Variants in SATB2 observed in about 807,000 individuals in gnomAD.
The protein encoded by SATB2 is DNA-binding protein SATB2.
A neutral mutation model predicts 73.4 loss-of-function variants in SATB2; 1 was observed. That is an observed-to-expected ratio of 0.01 (90% CI 0.00 to 0.06). The LOEUF (loss-of-function observed/expected upper bound fraction) is 0.06. Ranked by LOEUF, SATB2 falls within the 10% of genes least tolerant of loss-of-function variation. The pLI is 1.00. For synonymous variants in SATB2, 397 were observed against 367.0 expected, an observed-to-expected ratio of 1.08 and a Z score of -0.93; for missense variants, 459 against 945.8, an observed-to-expected ratio of 0.49 and a Z score of 6.75.
chr2:199,363,836 A>ATACAACATAGGCAGAGGGCAGACAAACT (rs982321620), intron 6 of SATB2, among the ~76,000 whole-genome samples: 1 of 152,236 alleles, frequency 6.6e-6, no homozygotes. Flanking sequence ...TTTCAACAAG[A>ATACAACATAGGCAGAGGGCAGACAAACT]TACAACATAG....
At chr2:199,436,730 G>C (rs888999318) in intron 2 of SATB2, among the ~76,000 whole-genome samples, 1 of 151,976 alleles carries the variant, frequency 6.6e-6, no homozygotes, top group African/African-American at 2.4e-5. Flanking sequence ...TAGTATCATT[G>C]AGGTCAAGTG....
Position 199,370,583 on chromosome 2 carries a change from A to C in SATB2, c.598-1876T>G, listed in dbSNP as rs537545987. Among the ~76,000 whole-genome samples, 15 of 152,252 alleles carry C rather than the reference A, an allele frequency of 9.9e-5. No homozygotes were observed. In the East Asian group the frequency reaches 2.9e-3, roughly 29 times the overall value. On this transcript the variant is annotated intron_variant, in intron 5 of 10. Coordinates refer to ENST00000417098, the MANE Select transcript of SATB2 (RefSeq NM_001172509.2). ...AAGTTAACTAAAACGAACAGTGTCTAATTACTGCCTGGCACTGTTCCTCAA... is the reference window on the plus strand; with the variant it reads ...AAGTTAACTAAAACGAACAGTGTCTCATTACTGCCTGGCACTGTTCCTCAA...
chr2:199,287,921 T>C (rs1256455780), intron 10 of SATB2, among the ~76,000 whole-genome samples: 15 of 152,282 alleles, frequency 9.9e-5, no homozygotes, highest in Admixed American at 9.1e-4. Context: ...GTAACAAATA[T>C]ATGCTTACTG....
intron 3 of SATB2, among the ~76,000 whole-genome samples, chr2:199,391,777 T>C (rs1313253985): frequency 1.3e-5 from 2 of 152,200 alleles, no homozygotes; most frequent in Non-Finnish European, 2.9e-5. Context: ...TACATGGTGA[T>C]AAATAATGAC....
chr2:199,411,498 T>C (rs952977217), intron 3 of SATB2, among the ~76,000 whole-genome samples: 6 of 152,232 alleles, frequency 3.9e-5, no homozygotes, highest in African/African-American at 9.6e-5. Flanking sequence ...GCTATGAACA[T>C]TGTTTGGATG....
chr2:199,443,162 G>A (rs1691869764), intron 2 of SATB2, among the ~76,000 whole-genome samples: 1 of 151,124 alleles, frequency 6.6e-6, no homozygotes, highest in African/African-American at 2.4e-5. Context: ...CATCAAAAAA[G>A]GAGTCAATGA....
In SATB2 at chr2:199,463,998, G is replaced by T. The variant is rs931320727; in HGVS notation, c.-141+838C>A. Among the ~76,000 whole-genome samples, 11 of 152,194 alleles carry T rather than the reference G, an allele frequency of 7.2e-5. No homozygotes were observed. Among genetic ancestry groups the T allele is most frequent in the African/African-American group, 2.2e-4 (9 of 41,466 alleles). ...CCAAGCGGAGAGGGCGAAAAAGCCC[G>T]CTGCGGGACCCACGGTCCCAGACAC... On this transcript the variant is annotated intron_variant, in intron 1 of 11. Transcript: ENST00000260926. This position sits in a 1 kb window ranked among gnomAD's most constrained non-coding sequence, Gnocchi z 6.4.
At chr2:199,416,547 G>C (rs961094854) in intron 3 of SATB2, among the ~76,000 whole-genome samples, 1 of 152,100 alleles carries the variant, frequency 6.6e-6, no homozygotes, top group Non-Finnish European at 1.5e-5. Context: ...AATAGAATCT[G>C]CTCAAAAATC....
intron 10 of SATB2, among the ~76,000 whole-genome samples, chr2:199,273,189 A>G (rs933320382): frequency 7.2e-5 from 11 of 152,234 alleles, no homozygotes; most frequent in Non-Finnish European, 1.5e-4. Flanking sequence ...GGATTAAATG[A>G]CATAATTGTT....
At chr2:199,415,748 C>T (rs1387596426) in intron 3 of SATB2, among the ~76,000 whole-genome samples, 3 of 152,320 alleles carry the variant, frequency 2.0e-5, no homozygotes, top group South Asian at 4.1e-4. Context: ...ACTGTGGCCA[C>T]GCAAAGCTCT....
intron 6 of SATB2, among the ~76,000 whole-genome samples, chr2:199,356,133 G>C (rs534234872): frequency 6.7e-6 from 1 of 149,010 alleles, no homozygotes; most frequent in East Asian, 2.0e-4. Flanking sequence ...AAATGGATTA[G>C]CATGAATGAG....
Position 199,463,862 on chromosome 2 carries a change from C to T in SATB2, c.-141+974G>A, listed in dbSNP as rs924559909. ...GCAGGCCAGCAGGCGTCCAGAAATC[C>T]GCTCCCACCCCTCGTAGGGGCAGGC... On this transcript the variant is annotated intron_variant, in intron 1 of 11. Coordinates refer to the SATB2 transcript ENST00000260926. This position sits in a 1 kb window ranked among gnomAD's most constrained non-coding sequence, Gnocchi z 6.4. 2.0e-5 allele frequency among the ~76,000 whole-genome samples: 3 copies of T among 152,216 alleles called. No homozygotes were observed. The highest frequency in any genetic ancestry group is 7.2e-5 in the African/African-American group (3 of 41,464).
At chr2:199,273,730 T>TC (rs1264232893) in intron 10 of SATB2, among the ~76,000 whole-genome samples, 1 of 152,224 alleles carries the variant, frequency 6.6e-6, no homozygotes, top group African/African-American at 2.4e-5. Flanking sequence ...TTTCTGGGTT[T>TC]TTTTTCTCCT....
At chr2:199,402,926 C>G (rs1462507570) in intron 3 of SATB2, among the ~76,000 whole-genome samples, 1 of 152,166 alleles carries the variant, frequency 6.6e-6, no homozygotes, top group African/African-American at 2.4e-5. Context: ...TTCACCAGCT[C>G]AAATTCTAAT....
intron 7 of SATB2, among the ~76,000 whole-genome samples, chr2:199,333,482 T>C (rs1688248797): frequency 6.6e-6 from 1 of 152,072 alleles, no homozygotes; most frequent in Admixed American, 6.6e-5. Context: ...TTACGATGAA[T>C]ATTGGGCAGC....
intron 3 of SATB2, among the ~76,000 whole-genome samples, chr2:199,406,059 T>C (rs1179212291): frequency 2.0e-5 from 3 of 152,202 alleles, no homozygotes; most frequent in African/African-American, 7.2e-5. Flanking sequence ...TATTAGATAT[T>C]ATAAGCAATC....
intron 3 of SATB2, among the ~76,000 whole-genome samples, chr2:199,409,650 G>GTTTTTTTTTTTTTTTTTTTTT (rs5837680): frequency 6.8e-6 from 1 of 146,570 alleles, no homozygotes; most frequent in Non-Finnish European, 1.5e-5. Flanking sequence ...ACCAAGACAA[G>GTTTTTTTTTTTTTTTTTTTTT]TTTTTTTTGT....
intron 3 of SATB2, among the ~76,000 whole-genome samples, chr2:199,407,204 TG>T (rs1283261354): frequency 6.8e-6 from 1 of 147,174 alleles, no homozygotes; most frequent in African/African-American, 2.5e-5. Context: ...GAGAATCACT[TG>T]AACCCGGGAG....
At chr2:199,363,855 CA>C (rs1689208489) in intron 6 of SATB2, among the ~76,000 whole-genome samples, 1 of 152,166 alleles carries the variant, frequency 6.6e-6, no homozygotes, top group Admixed American at 6.5e-5. Flanking sequence ...AGGCAGAGGG[CA>C]GACAAACTTA....
Sources: allele counts gnomAD v4.1 joint callset (sites outside exome capture counted in the v4.1 genomes callset), GRCh38; gene constraint gnomAD v4.1.1; non-coding constraint Gnocchi (gnomAD v3.1); transcripts MANE v1.5; gene names NCBI Gene and HGNC (gene_info 2026-07-23, HGNC 2026-07-21).